The following PROX2 variants were observed in gnomAD, a reference collection of about 807,000 sequenced individuals.
PROX2 encodes the protein prospero homeobox protein 2.
PROX2 carries 46 observed loss-of-function variants against 48.9 expected under a neutral mutation model. That is an observed-to-expected ratio of 0.94 (90% CI 0.74 to 1.20). The LOEUF (loss-of-function observed/expected upper bound fraction) is 1.20, where lower values mean the gene tolerates loss of function less well. Ranked by LOEUF, PROX2 falls within the 50% of genes most tolerant of loss-of-function variation. The probability of loss-of-function intolerance (pLI) is 0.00; values close to 1 mark genes in which losing one functional copy is unlikely to be tolerated. For missense variants in PROX2, 663 were observed against 719.4 expected, an observed-to-expected ratio of 0.92 and a Z score of 0.90; for synonymous variants, 260 against 276.6, an observed-to-expected ratio of 0.94 and a Z score of 0.60.
intron 1 of PROX2, among the ~76,000 whole-genome samples, chr14:74,875,176 CT>C (rs1176905383): frequency 6.6e-6 from 1 of 152,160 alleles, no homozygotes; most frequent in Non-Finnish European, 1.5e-5. Context: ...AAAATAAAAT[CT>C]TAACCACTTT....
chr14:74,855,063 C>G lies in PROX2; in HGVS notation c.*69G>C. On this transcript the variant is annotated 3_prime_UTR_variant, in exon 6 of 6. Transcript: ENST00000556489. ...TTTTATATGACTACAGCTAAATTGC[C>G]CTTTAAGACAAACCCAGGAAACCCT... The G allele has an allele frequency of 8.8e-7, 1 of 1,137,594 alleles. No individual in the cohort carries two copies. Among genetic ancestry groups the G allele is most frequent in the Non-Finnish European group, 1.2e-6 (1 of 845,470 alleles). 70.5% of individuals were successfully genotyped at this position (1,137,594 alleles called of 1,614,324 possible). A position where few individuals can be genotyped will look rare whatever the true frequency, so the allele number is the denominator to read the frequency against.
intron 3 of PROX2, chr14:74,858,728 T>C (rs1272350439): frequency 5.7e-6 from 3 of 524,092 alleles, no homozygotes; most frequent in Non-Finnish European, 1.0e-5. Context: ...ATCATCTCGA[T>C]GTGGAAAAGT....
intron 3 of PROX2, chr14:74,858,845 TGTGTGTGTGTG>T (rs2091772156): frequency 3.5e-5 from 2 of 57,710 alleles, no homozygotes; most frequent in Non-Finnish European, 6.9e-5. Flanking sequence ...TGGTGTATTG[TGTGTGTGTGTG>T]TGTGTGTGTG....
At position 74,871,160 on chromosome 14, in the gene PROX2, C is replaced by T. The variant is rs1883205030; in HGVS notation, c.-232G>A. On this transcript the variant is annotated 5_prime_UTR_variant, in exon 2 of 6. Transcript: ENST00000556489. ...GGAAGACTGCTTGAGCCCAGGAGTT[C>T]AAAGCTGTAGTGTGCTACGATCATG... 6.6e-6 allele frequency: 1 copy of T among 151,822 alleles called. No individual in the cohort carries two copies. The highest frequency in any genetic ancestry group is 2.4e-5 in the African/African-American group (1 of 41,280). The allele number at this position is 151,822 out of a possible 1,614,324, so 9.4% of individuals were successfully genotyped here. A position where few individuals can be genotyped will look rare whatever the true frequency, so the allele number is the denominator to read the frequency against.
intron 2 of PROX2, among the ~76,000 whole-genome samples, chr14:74,864,921 A>C (rs558020829): frequency 6.6e-6 from 1 of 152,130 alleles, no homozygotes; most frequent in South Asian, 2.1e-4. Context: ...GGGCGAGTGG[A>C]TCACCTGAGG....
chr14:74,868,173 T>C (rs1227531440), intron 2 of PROX2, among the ~76,000 whole-genome samples: 2 of 151,668 alleles, frequency 1.3e-5, no homozygotes. Flanking sequence ...TCATTTTACT[T>C]CCCAAATATA....
At chr14:74,869,439 C>G (rs1971689) in intron 2 of PROX2, among the ~76,000 whole-genome samples, 2 of 152,028 alleles carry the variant, frequency 1.3e-5, no homozygotes, top group South Asian at 4.2e-4. Context: ...CCACCACACC[C>G]GGCTAATTTT....
At position 74,855,339 on chromosome 14, in the gene PROX2, G is replaced by A. The variant is rs754076010; in HGVS notation, c.1609-37C>T. 33 of 1,491,826 alleles carry A rather than the reference G, an allele frequency of 2.2e-5. No individual in the cohort carries two copies. The South Asian group carries it at 2.8e-4, about 13-fold the overall frequency. 92.4% of individuals were successfully genotyped at this position (1,491,826 alleles called of 1,614,324 possible). ...AAGAGACCCACAAGAAAGAAAAGAC[G>A]TGAGGTTGGGAAGCACTGGTGCCAG... On this transcript the variant is annotated intron_variant, in intron 5 of 5. Transcript: ENST00000556489.
intron 2 of PROX2, among the ~76,000 whole-genome samples, chr14:74,867,709 G>A (rs1386690570): frequency 6.6e-6 from 1 of 152,220 alleles, no homozygotes. Flanking sequence ...TTGAGGAGAA[G>A]AGCATAGAAC....
Position 74,855,021 on chromosome 14 carries a change from A to G in PROX2, c.*111T>C. The G allele has an allele frequency of 1.7e-6, 1 of 594,520 alleles. No individual in the cohort carries two copies. Among genetic ancestry groups the G allele is most frequent in the Non-Finnish European group, 2.7e-6 (1 of 365,568 alleles). 36.8% of individuals were successfully genotyped at this position (594,520 alleles called of 1,614,324 possible). A position where few individuals can be genotyped will look rare whatever the true frequency, so the allele number is the denominator to read the frequency against. On this transcript the variant is annotated 3_prime_UTR_variant, in exon 6 of 6. Coordinates refer to ENST00000556489, the MANE Select transcript of PROX2 (RefSeq NM_001243007.2). Reference sequence around the variant, plus strand: ...GTAATAGTACCTGTTTTGATAGAGGAGATTTCCTTGTGCCCTTTTTATATG... The same window carrying G: ...GTAATAGTACCTGTTTTGATAGAGGGGATTTCCTTGTGCCCTTTTTATATG...
At chr14:74,875,000 C>G (rs1016590566) in intron 1 of PROX2, among the ~76,000 whole-genome samples, 1 of 152,022 alleles carries the variant, frequency 6.6e-6, no homozygotes, top group Non-Finnish European at 1.5e-5. Context: ...CAAAAATTAG[C>G]TGGGCGTGGT....
At chr14:74,855,568 G>A (rs2091737167) in intron 5 of PROX2, 1 of 322,742 alleles carries the variant, frequency 3.1e-6, no homozygotes, top group Admixed American at 4.8e-5. Flanking sequence ...TCGCTAATGG[G>A]CGACTTTTTA....
At chr14:74,860,158 G>C (rs1309657136) in intron 3 of PROX2, among the ~76,000 whole-genome samples, 1 of 152,216 alleles carries the variant, frequency 6.6e-6, no homozygotes, top group Non-Finnish European at 1.5e-5. Flanking sequence ...GTCTAAACCC[G>C]TTATCTGAAA....
Position 74,863,008 on chromosome 14 carries a change from C to T in PROX2, c.827G>A (p.Gly276Glu), listed in dbSNP as rs1566780246. The T allele has an allele frequency of 1.9e-6, 3 of 1,613,882 alleles. No individual in the cohort carries two copies. Among genetic ancestry groups the T allele is most frequent in the Non-Finnish European group, 1.7e-6 (2 of 1,179,894 alleles). The change falls in exon 3 of 6, where the codon GGA (glycine) becomes GAA (glutamate). Residue 276 changes from glycine (G) to glutamate (E), a missense_variant. Physicochemically the swap from Gly to Glu is moderately conservative, Grantham distance 98. Transcript: ENST00000556489. ...EGRSEPSPPV[G>E]GACKDPLALA... ...AGCAAGTGGATCTTTACAGGCCCCT[C>T]CCACAGGAGGTGAGGGCTCGCTTCT... is the stretch of plus-strand genomic sequence containing the variant.
chr14:74,857,864 A>G (rs988854898), intron 4 of PROX2: 2 of 152,146 alleles, frequency 1.3e-5, no homozygotes, highest in African/African-American at 4.8e-5. Context: ...CCTGGGTTCA[A>G]GTGATTCTCC....
chr14:74,861,198 C>T (rs759749465), intron 3 of PROX2: 9 of 1,352,102 alleles, frequency 6.7e-6, no homozygotes, highest in South Asian at 5.7e-5. Flanking sequence ...GCAAAGGACA[C>T]GACTGTTCCC....
In PROX2 at chr14:74,863,404, C is replaced by A. The variant is rs1395740518; in HGVS notation, c.431G>T (p.Arg144Ile). 6.2e-7 allele frequency: 1 copy of A among 1,613,658 alleles called. No individual in the cohort carries two copies. The highest frequency in any genetic ancestry group is 8.5e-7 in the Non-Finnish European group (1 of 1,179,670). Residue 144 changes from arginine (R) to isoleucine (I), a missense_variant, in exon 3 of 6, where the codon AGA (arginine) becomes ATA (isoleucine). Transcript: ENST00000556489. The part of the protein sequence containing the change: ...EQLHLLKQQL[R>I]HLQEHILQAA... ...CTGTAGGATGTGCTCTTGCAGATGTCTTAGCTGTTGCTTCAGCAGATGAAG... is the reference window on the plus strand; with the variant it reads ...CTGTAGGATGTGCTCTTGCAGATGTATTAGCTGTTGCTTCAGCAGATGAAG...
At chr14:74,870,439 A>ATACAC (rs1555371979) in intron 2 of PROX2, among the ~76,000 whole-genome samples, 2 of 29,936 alleles carry the variant, frequency 6.7e-5, no homozygotes, top group African/African-American at 4.8e-4. Flanking sequence ...AAAAAAAAAA[A>ATACAC]ATACACACAC....
At chr14:74,859,851 C>T (rs1011325152) in intron 3 of PROX2, among the ~76,000 whole-genome samples, 2 of 152,200 alleles carry the variant, frequency 1.3e-5, no homozygotes, top group East Asian at 3.8e-4. Context: ...TCCTACAGAT[C>T]CACAAATGCT....
Sources: gnomAD v4.1 joint callset for allele counts (sites outside exome capture counted in the v4.1 genomes callset) on GRCh38, gnomAD v4.1.1 for gene constraint, MANE v1.5 for transcripts, NCBI Gene and HGNC (gene_info 2026-07-23, HGNC 2026-07-21) for gene names.